The following TLK1 variants were observed in gnomAD, a reference collection of about 807,000 sequenced individuals.
The protein encoded by TLK1 is serine/threonine-protein kinase tousled-like 1.
In TLK1, 24 loss-of-function variants were observed where a neutral mutation model predicts 105.3. That is an observed-to-expected ratio of 0.23 (90% CI 0.17 to 0.32). TLK1 has a LOEUF of 0.32. Ranked by LOEUF, TLK1 falls within the 10% of genes least tolerant of loss-of-function variation. The pLI is 1.00. For missense variants in TLK1, 558 were observed against 910.5 expected (o/e 0.61, Z 4.98); for synonymous variants, 321 against 310.4 (o/e 1.03, Z -0.36).
At chr2:171,208,807 C>G (rs933308945) in intron 1 of TLK1, among the ~76,000 whole-genome samples, 9 of 152,318 alleles carry the variant, frequency 5.9e-5, no homozygotes, top group Non-Finnish European at 8.8e-5. Context: ...CAAAATGATG[C>G]AAGCCCAGTG....
intron 2 of TLK1, among the ~76,000 whole-genome samples, chr2:171,090,677 G>C (rs911415205): frequency 1.3e-5 from 2 of 152,054 alleles, no homozygotes; most frequent in Admixed American, 6.6e-5. Context: ...GACTAAAGCT[G>C]GTAATATTTC....
At chr2:171,049,076 T>C (rs1196397834) in intron 10 of TLK1, among the ~76,000 whole-genome samples, 2 of 152,056 alleles carry the variant, frequency 1.3e-5, no homozygotes, top group African/African-American at 4.8e-5. Context: ...GAGCTAAACA[T>C]TGGAGACACA....
chr2:171,093,874 T>C (rs879405080), intron 2 of TLK1, among the ~76,000 whole-genome samples: 3 of 152,120 alleles, frequency 2.0e-5, no homozygotes, highest in Non-Finnish European at 4.4e-5. Flanking sequence ...ACCTGTCCCA[T>C]GCTGCTCTAG....
Position 171,058,186 on chromosome 2 carries a change from C to A in TLK1, c.418G>T (p.Gly140Trp). Residue 140 changes from glycine (G) to tryptophan (W), a missense_variant, in exon 5 of 21, where the codon GGG becomes TGG. By Grantham distance (184) the Gly-to-Trp change is radical. Transcript: ENST00000431350. ...QNESSQGKSI[G>W]GRGHKISDYF... ...TCGCTAATTTTGTGGCCACGTCCCCCAATACTTTTTCCTAAAATATAAGAA... is the reference window on the plus strand; with the variant it reads ...TCGCTAATTTTGTGGCCACGTCCCCAAATACTTTTTCCTAAAATATAAGAA... The A allele has an allele frequency of 6.2e-7, 1 of 1,613,380 alleles. No homozygotes were observed.
At chr2:171,192,312 A>G (rs1341734021) in intron 1 of TLK1, among the ~76,000 whole-genome samples, 2 of 152,082 alleles carry the variant, frequency 1.3e-5, no homozygotes, top group Non-Finnish European at 2.9e-5. Flanking sequence ...TACTGGTGTG[A>G]GCCACCGGGA....
chr2:171,099,659 C>T (rs1689607225), intron 2 of TLK1, among the ~76,000 whole-genome samples: 1 of 152,152 alleles, frequency 6.6e-6, no homozygotes, highest in South Asian at 2.1e-4. Flanking sequence ...GATAGACATA[C>T]AGATCAGCAG....
chr2:171,123,084 A>ACACACACACG (rs914724293), intron 1 of TLK1, among the ~76,000 whole-genome samples: 116 of 151,830 alleles, frequency 7.6e-4, no homozygotes, highest in African/African-American at 2.7e-3. Flanking sequence ...ACACACACAC[A>ACACACACACG]CACTTCTTTT....
At chr2:171,152,251 T>C (rs1296455895) in intron 1 of TLK1, among the ~76,000 whole-genome samples, 1 of 152,248 alleles carries the variant, frequency 6.6e-6, no homozygotes, top group Non-Finnish European at 1.5e-5. Context: ...CCCCCCAAAA[T>C]ACTTATATTT....
chr2:171,208,086 T>C (rs1693541534), intron 1 of TLK1, among the ~76,000 whole-genome samples: 1 of 152,206 alleles, frequency 6.6e-6, no homozygotes. Context: ...ACCCAGGCTC[T>C]CTAACCTAAA....
At chr2:171,060,092 G>C in intron 4 of TLK1, 1 of 1,520,534 alleles carries the variant, frequency 6.6e-7, no homozygotes, top group Non-Finnish European at 8.8e-7. Context: ...ATATAAGTGA[G>C]GAAGGTGAAA....
At chr2:171,084,155 C>G (rs951807124) in intron 2 of TLK1, among the ~76,000 whole-genome samples, 1 of 151,998 alleles carries the variant, frequency 6.6e-6, no homozygotes, top group Non-Finnish European at 1.5e-5. Context: ...TGGGAGGAAA[C>G]AGAAAGAAAC....
At chr2:171,050,933 GTCTGAAGA>G (rs1333751776) in intron 8 of TLK1, among the ~76,000 whole-genome samples, 2 of 152,206 alleles carry the variant, frequency 1.3e-5, no homozygotes, top group Non-Finnish European at 2.9e-5. Context: ...GATGCTCCTG[GTCTGAAGA>G]TCACACTTTG....
chr2:171,014,367 C>CTT (rs78223331), intron 13 of TLK1, among the ~76,000 whole-genome samples: 16 of 143,378 alleles, frequency 1.1e-4, no homozygotes, highest in Non-Finnish European at 1.4e-4. Flanking sequence ...GAAGCAGAGA[C>CTT]TTTTTTTTTT....
chr2:171,028,620 A>G (rs1372380722), intron 11 of TLK1, among the ~76,000 whole-genome samples: 4 of 152,170 alleles, frequency 2.6e-5, no homozygotes, highest in South Asian at 2.1e-4. Flanking sequence ...AGGAAAATGT[A>G]TGAGCCAAAA....
At chr2:170,997,308 A>C (rs1313484163) in intron 19 of TLK1, among the ~76,000 whole-genome samples, 1 of 152,114 alleles carries the variant, frequency 6.6e-6, no homozygotes, top group Non-Finnish European at 1.5e-5. Context: ...GGGAAATAAG[A>C]CTAAGTTTGA....
At chr2:171,064,998 T>C (rs529427308) in intron 3 of TLK1, among the ~76,000 whole-genome samples, 1 of 151,814 alleles carries the variant, frequency 6.6e-6, no homozygotes, top group Admixed American at 6.6e-5. Context: ...GGTTTTTATA[T>C]CTAATCATGT....
At chr2:171,068,657 T>C (rs1025099650) in intron 3 of TLK1, among the ~76,000 whole-genome samples, 2 of 152,190 alleles carry the variant, frequency 1.3e-5, no homozygotes, top group Non-Finnish European at 1.5e-5. Flanking sequence ...AGTGATGTTA[T>C]GTATCATCAG....
At chr2:171,088,758 T>A (rs1689092056) in intron 2 of TLK1, among the ~76,000 whole-genome samples, 1 of 152,076 alleles carries the variant, frequency 6.6e-6, no homozygotes, top group Non-Finnish European at 1.5e-5. Context: ...TCAGATACAC[T>A]AAAAACAAAG....
At chr2:171,102,098 T>C (rs905650610) in intron 2 of TLK1, among the ~76,000 whole-genome samples, 6 of 152,220 alleles carry the variant, frequency 3.9e-5, no homozygotes, top group Admixed American at 1.3e-4. Flanking sequence ...ACAGACTGCA[T>C]TGCATATTTT....
Sources: gnomAD v4.1 joint callset for allele counts (sites outside exome capture counted in the v4.1 genomes callset) on GRCh38, gnomAD v4.1.1 for gene constraint, MANE v1.5 for transcripts, NCBI Gene and HGNC (gene_info 2026-07-23, HGNC 2026-07-21) for gene names.